Variants in REPS2 observed in about 807,000 individuals in gnomAD.
REPS2 encodes the protein ralBP1-associated Eps domain-containing protein 2.
In REPS2, 23 loss-of-function variants were observed where a neutral mutation model predicts 53.6. The observed-to-expected ratio is 0.43, with a 90% CI of 0.31 to 0.61. The LOEUF (loss-of-function observed/expected upper bound fraction) is 0.61. Among genes scored for constraint, REPS2 ranks in the 20% least tolerant of loss-of-function variants. REPS2 has a pLI of 0.11. For missense variants in REPS2, 446 were observed against 534.9 expected, an observed-to-expected ratio of 0.83 and a Z score of 1.64; for synonymous variants, 238 against 218.6, an observed-to-expected ratio of 1.09 and a Z score of -0.78.
intron 1 of REPS2, among the ~76,000 whole-genome samples, chrX:16,952,434 A>G (rs2060525597): frequency 8.9e-6 from 1 of 112,168 alleles, no homozygotes; most frequent in Non-Finnish European, 1.9e-5. Context: ...TAAGGGGAAT[A>G]ATTATAAAAC....
At chrX:17,037,637 T>G (rs955026318) in intron 5 of REPS2, among the ~76,000 whole-genome samples, 1 of 112,360 alleles carries the variant, frequency 8.9e-6, no homozygotes, top group African/African-American at 3.2e-5. Flanking sequence ...CTTAGTGTAT[T>G]CCTCAGGTGC....
At chrX:17,078,474 T>G (rs762188665) in intron 13 of REPS2, among the ~76,000 whole-genome samples, 32 of 112,121 alleles carry the variant, frequency 2.9e-4, no homozygotes, top group Non-Finnish European at 5.1e-4. Context: ...TTCTGTGCCA[T>G]GAGTTCATCA....
At chrX:17,095,414 G>A (rs760684384) in intron 13 of REPS2, among the ~76,000 whole-genome samples, 1 of 111,542 alleles carries the variant, frequency 9.0e-6, no homozygotes, top group East Asian at 2.8e-4. Context: ...TCTGGGCCTG[G>A]TGCCTTCCCT....
At chrX:17,155,830 A>G (rs1208139004), downstream of REPS2, among the ~76,000 whole-genome samples, 1 of 111,824 alleles carries the variant, frequency 8.9e-6, no homozygotes, top group Non-Finnish European at 1.9e-5. Flanking sequence ...AGTCCTAGTG[A>G]ATGATGTGAG....
intron 8 of REPS2, among the ~76,000 whole-genome samples, chrX:17,060,021 C>CAAAAGTCTCCTTTTGATAGTT (rs1569154246): frequency 8.9e-6 from 1 of 111,872 alleles, no homozygotes; most frequent in Non-Finnish European, 1.9e-5. Flanking sequence ...ATAGTTTCAG[C>CAAAAGTCTCCTTTTGATAGTT]TGGGTGGGGT....
chrX:16,977,656 C>T (rs1248450666), intron 1 of REPS2, among the ~76,000 whole-genome samples: 7 of 104,773 alleles, frequency 6.7e-5, no homozygotes, highest in African/African-American at 1.4e-4. Context: ...ATTGAGGCTG[C>T]GGTGAACCAT....
intron 1 of REPS2, among the ~76,000 whole-genome samples, chrX:16,987,524 A>G (rs1276291072): frequency 8.9e-6 from 1 of 112,294 alleles, no homozygotes; most frequent in East Asian, 2.8e-4. Flanking sequence ...GTATTTTAAT[A>G]CTATATATTA....
intron 2 of REPS2, among the ~76,000 whole-genome samples, chrX:17,013,111 G>A (rs1034739378): frequency 8.9e-6 from 1 of 112,296 alleles, no homozygotes; most frequent in African/African-American, 3.2e-5. Context: ...TCCCAGCTGC[G>A]GAAGGGGACT....
intron 8 of REPS2, among the ~76,000 whole-genome samples, chrX:17,059,389 G>T (rs1373001011): frequency 9.3e-6 from 1 of 107,341 alleles, no homozygotes; most frequent in East Asian, 2.9e-4. Flanking sequence ...ATCTAATCCA[G>T]TTTTTGATAA....
the REPS2 span, among the ~76,000 whole-genome samples, chrX:17,168,102 C>CA: frequency 5.4e-5 from 6 of 112,068 alleles, no homozygotes; most frequent in African/African-American, 1.9e-4. Context: ...CATCCCACCT[C>CA]AAGTCGGCAC....
chrX:16,953,605 C>T (rs1001311846), intron 1 of REPS2, among the ~76,000 whole-genome samples: 2 of 112,259 alleles, frequency 1.8e-5, no homozygotes, highest in African/African-American at 6.5e-5. Context: ...TAAGGAATAT[C>T]GTATTCTGTG....
intron 6 of REPS2, among the ~76,000 whole-genome samples, chrX:17,050,933 TA>T (rs2061994107): frequency 1.8e-5 from 2 of 111,583 alleles, no homozygotes; most frequent in South Asian, 7.6e-4. Context: ...TGCTATCAAG[TA>T]GTAGGTCTTA....
intron 10 of REPS2, among the ~76,000 whole-genome samples, 187 bp downstream of exon 10, chrX:17,068,658 T>A (rs1602904964): frequency 8.9e-6 from 1 of 112,704 alleles, no homozygotes; most frequent in African/African-American, 3.2e-5. Context: ...AGAGCTTGAG[T>A]GTCCAGAGTC....
chrX:16,969,630 G>A (rs2060853879), intron 1 of REPS2, among the ~76,000 whole-genome samples: 1 of 111,198 alleles, frequency 9.0e-6, no homozygotes, highest in Non-Finnish European at 1.9e-5. Flanking sequence ...GCAGGCTGAG[G>A]CAGGAGAATC....
chrX:17,096,672 AAAAAAAAAAAG>A (rs1341984586), intron 13 of REPS2, among the ~76,000 whole-genome samples: 6 of 100,362 alleles, frequency 6.0e-5, no homozygotes, highest in Non-Finnish European at 1.0e-4. Flanking sequence ...AAAAAAAAAA[AAAAAAAAAAAG>A]AAAAGAAAAG....
intron 17 of REPS2, among the ~76,000 whole-genome samples, chrX:17,143,639 TTTCTC>T (rs1273750744): frequency 9.0e-6 from 1 of 111,226 alleles, no homozygotes; most frequent in African/African-American, 3.3e-5. Context: ...TTTTCTTTCT[TTTCTC>T]TTCCTACATT....
intron 10 of REPS2, 57 bp downstream of exon 10, chrX:17,068,528 C>T: frequency 1.0e-6 from 1 of 965,904 alleles, no homozygotes; most frequent in Non-Finnish European, 1.5e-6. Context: ...ACCTTATCTA[C>T]TCCTCTTGGA....
At chrX:17,008,768 A>T (rs1157717719) in intron 2 of REPS2, among the ~76,000 whole-genome samples, 1 of 111,600 alleles carries the variant, frequency 9.0e-6, no homozygotes, top group Non-Finnish European at 1.9e-5. Context: ...GTGAGAACCT[A>T]ATCTGAAAGG....
intron 14 of REPS2, among the ~76,000 whole-genome samples, chrX:17,117,156 A>G (rs1350169561): frequency 1.2e-4 from 13 of 112,363 alleles, no homozygotes; most frequent in Non-Finnish European, 7.5e-5. Context: ...GAGCTTCTCC[A>G]CAGGCTTCAT....
Sources: gnomAD v4.1 joint callset for allele counts (sites outside exome capture counted in the v4.1 genomes callset) on GRCh38, gnomAD v4.1.1 for gene constraint, MANE v1.5 for transcripts, NCBI Gene and HGNC (gene_info 2026-07-23, HGNC 2026-07-21) for gene names.